The following MINDY4 variants were observed in gnomAD, a reference collection of about 807,000 sequenced individuals.
The protein encoded by MINDY4 is probable ubiquitin carboxyl-terminal hydrolase MINDY-4.
A neutral mutation model predicts 87.0 loss-of-function variants in MINDY4; 68 were observed. That is an observed-to-expected ratio of 0.78 (90% CI 0.64 to 0.96). The LOEUF (loss-of-function observed/expected upper bound fraction) is 0.96, where lower values mean the gene tolerates loss of function less well. Among genes scored for constraint, MINDY4 ranks in the 40% least tolerant of loss-of-function variants. The pLI is 0.00. For missense variants in MINDY4, 919 were observed against 928.2 expected (o/e 0.99, Z 0.13); for synonymous variants, 379 against 363.2 (o/e 1.04, Z -0.50).
chr7:30,798,004 G>C (rs747437369), intron 5 of MINDY4, among the ~76,000 whole-genome samples: 1 of 152,190 alleles, frequency 6.6e-6, no homozygotes, highest in Non-Finnish European at 1.5e-5. Flanking sequence ...ACCTGGGAGA[G>C]TTTGGGGTGC....
At chr7:30,821,730 C>T (rs543288430) in intron 5 of MINDY4, among the ~76,000 whole-genome samples, 1 of 150,958 alleles carries the variant, frequency 6.6e-6, no homozygotes, top group Non-Finnish European at 1.5e-5. Context: ...CTCCATTTCT[C>T]TTATTTATTT....
chr7:30,882,513 C>A, intron 16 of MINDY4, 152 bp downstream of exon 16: 1 of 740,452 alleles, frequency 1.4e-6, no homozygotes, highest in Non-Finnish European at 2.1e-6. Flanking sequence ...AGAGCCAATG[C>A]CAGCAGGGCC....
chr7:30,891,841 C>A, intron 17 of MINDY4, 116 bp from the exon 18 acceptor site: 1 of 1,014,612 alleles, frequency 9.9e-7, no homozygotes, highest in South Asian at 1.3e-5. Flanking sequence ...GGATGGAAAC[C>A]GAACTATTCA....
At chr7:30,836,788 T>A in intron 7 of MINDY4, 24 bp downstream of exon 7, 1 of 1,570,586 alleles carries the variant, frequency 6.4e-7, no homozygotes, top group Non-Finnish European at 8.8e-7. Context: ...GACTCCTGGG[T>A]TAAATGTGTC....
intron 5 of MINDY4, among the ~76,000 whole-genome samples, chr7:30,795,516 C>T (rs940303504): frequency 6.6e-6 from 1 of 152,194 alleles, no homozygotes; most frequent in African/African-American, 2.4e-5. Context: ...GAGAGGGGCA[C>T]AGACCTCTCC....
chr7:30,860,800 G>C (rs1789736212), intron 13 of MINDY4, among the ~76,000 whole-genome samples: 1 of 152,110 alleles, frequency 6.6e-6, no homozygotes, highest in African/African-American at 2.4e-5. Flanking sequence ...CACAGCTGGG[G>C]GACTAGGGCT....
At chr7:30,819,236 T>A (rs1336992654) in intron 5 of MINDY4, among the ~76,000 whole-genome samples, 1 of 152,222 alleles carries the variant, frequency 6.6e-6, no homozygotes, top group Non-Finnish European at 1.5e-5. Flanking sequence ...ACTTTATAAG[T>A]TGTGTTTTTA....
chr7:30,803,785 A>T (rs576786451), intron 5 of MINDY4, among the ~76,000 whole-genome samples: 2 of 152,142 alleles, frequency 1.3e-5, no homozygotes, highest in Non-Finnish European at 2.9e-5. Context: ...GTGTTTTTCT[A>T]CGGCCTGCAT....
At chr7:30,882,484 A>G (rs1790498071) in intron 16 of MINDY4, 123 bp downstream of exon 16, 1 of 888,026 alleles carries the variant, frequency 1.1e-6, no homozygotes, top group Admixed American at 3.1e-5. Flanking sequence ...AGACTCCAGC[A>G]TCCAGACTGG....
At chr7:30,838,424 A>G (rs374883588) in intron 7 of MINDY4, among the ~76,000 whole-genome samples, 2 of 152,126 alleles carry the variant, frequency 1.3e-5, no homozygotes, top group African/African-American at 2.4e-5. Context: ...GTTCTTACGC[A>G]TGGTAGAGAG....
intron 16 of MINDY4, among the ~76,000 whole-genome samples, 193 bp from the exon 17 acceptor site, chr7:30,882,727 TA>T (rs138424277): frequency 0.057 from 8,665 of 152,038 alleles, 801 homozygotes; most frequent in African/African-American, 0.2. Flanking sequence ...TTGTGGTAGC[TA>T]AAGTGGGACA....
chr7:30,807,696 A>G lies in MINDY4; in HGVS notation c.1073+16122A>G, dbSNP rs148337316. 8.5e-4 allele frequency among the ~76,000 whole-genome samples: 130 copies of G among 152,328 alleles called. 1 individual carries two copies. In the East Asian group the frequency reaches 0.015, roughly 18 times the overall value. On this transcript the variant is annotated intron_variant, in intron 5 of 17. Coordinates refer to ENST00000265299, the MANE Select transcript of MINDY4 (RefSeq NM_032222.3). The stretch of plus-strand genomic sequence containing the variant: ...CCTGACCTAATCAGTTATGTTATCT[A>G]TACATTACAGACATTGTATAGAAAA...
chr7:30,775,227 T>C (rs1786773986), intron 1 of MINDY4, among the ~76,000 whole-genome samples: 1 of 152,204 alleles, frequency 6.6e-6, no homozygotes, highest in Non-Finnish European at 1.5e-5. Flanking sequence ...CTTCAGATGC[T>C]AGTCAGAAGT....
intron 15 of MINDY4, among the ~76,000 whole-genome samples, chr7:30,880,419 G>T (rs1379229769): frequency 1.3e-5 from 2 of 151,748 alleles, no homozygotes; most frequent in African/African-American, 2.4e-5. Context: ...TCCTGAATGA[G>T]GAAACTCATT....
At chr7:30,811,076 T>C (rs1198517041) in intron 5 of MINDY4, among the ~76,000 whole-genome samples, 1 of 147,904 alleles carries the variant, frequency 6.8e-6, no homozygotes, top group Non-Finnish European at 1.5e-5. Context: ...TATCGAAGGG[T>C]GGAAAGAAAA....
chr7:30,810,899 A>G (rs1384548291), intron 5 of MINDY4, among the ~76,000 whole-genome samples: 1 of 152,218 alleles, frequency 6.6e-6, no homozygotes, highest in Non-Finnish European at 1.5e-5. Context: ...CAAAGACTAT[A>G]AAGTCCTCTG....
chr7:30,824,293 G>A (rs1788431599), intron 5 of MINDY4, among the ~76,000 whole-genome samples: 1 of 152,096 alleles, frequency 6.6e-6, no homozygotes, highest in Non-Finnish European at 1.5e-5. Context: ...TTCTTAGAAA[G>A]CCACCAATCC....
At chr7:30,817,024 G>A (rs1304070895) in intron 5 of MINDY4, among the ~76,000 whole-genome samples, 1 of 152,198 alleles carries the variant, frequency 6.6e-6, no homozygotes, top group African/African-American at 2.4e-5. Flanking sequence ...AACCCTTCAT[G>A]AGACCTCATG....
intron 12 of MINDY4, 146 bp downstream of exon 12, chr7:30,853,605 G>T: frequency 1.4e-6 from 1 of 733,444 alleles, no homozygotes; most frequent in Non-Finnish European, 2.4e-6. Flanking sequence ...GCTGGCCCCT[G>T]GTTGGGGGCT....
Sources: gnomAD v4.1 joint callset for allele counts (sites outside exome capture counted in the v4.1 genomes callset) on GRCh38, gnomAD v4.1.1 for gene constraint, MANE v1.5 for transcripts, NCBI Gene and HGNC (gene_info 2026-07-23, HGNC 2026-07-21) for gene names.